Variants in POC1A observed in about 807,000 individuals in gnomAD.
POC1A encodes the protein POC1 centriolar protein A.
Under a neutral mutation model 47.8 loss-of-function variants are expected in POC1A, and 34 were observed. The ratio of observed to expected loss-of-function variants is 0.71; its 90% confidence interval spans 0.54 to 0.95. POC1A has a LOEUF of 0.95. POC1A is among the 40% of genes least tolerant of loss of function. The pLI is 0.00. For synonymous variants in POC1A, 177 were observed against 207.6 expected (o/e 0.85, Z 1.27); for missense variants, 466 against 528.3 (o/e 0.88, Z 1.16).
chr3:52,090,680 A>G lies in POC1A; in HGVS notation c.1125+5889T>C, dbSNP rs1392279549. ...TGGAGAAGTTTTCCGGCATCTGTGA[A>G]AAAGACCCCTAGATCACCTGGCATC... On this transcript the variant is annotated intron_variant, in intron 10 of 10. Coordinates refer to ENST00000296484, the MANE Select transcript of POC1A (RefSeq NM_015426.5). The surrounding 1 kb of genome is among the most constrained non-coding windows in gnomAD (Gnocchi z 4.2). 6.6e-6 allele frequency among the ~76,000 whole-genome samples: 1 copy of G among 151,824 alleles called. No homozygotes were observed. Among genetic ancestry groups the G allele is most frequent in the Non-Finnish European group, 1.5e-5 (1 of 67,944 alleles).
intron 4 of POC1A, among the ~76,000 whole-genome samples, chr3:52,147,461 T>A (rs1698405992): frequency 6.6e-6 from 1 of 152,078 alleles, no homozygotes; most frequent in African/African-American, 2.4e-5. Flanking sequence ...TTAGACAGGG[T>A]ATTGCTCTGT....
intron 10 of POC1A, among the ~76,000 whole-genome samples, chr3:52,086,134 T>C (rs1017012037): frequency 6.6e-6 from 1 of 152,062 alleles, no homozygotes; most frequent in East Asian, 1.9e-4. Context: ...GGGACTGGGG[T>C]TCTCCAGTCT....
intron 6 of POC1A, among the ~76,000 whole-genome samples, chr3:52,144,678 C>T (rs1485242835): frequency 6.6e-6 from 1 of 152,208 alleles, no homozygotes; most frequent in Non-Finnish European, 1.5e-5. Flanking sequence ...CCCAGAGGCC[C>T]CACAGAGTCA....
chr3:52,080,345 G>C (rs1702241731), intron 10 of POC1A, among the ~76,000 whole-genome samples: 2 of 152,104 alleles, frequency 1.3e-5, no homozygotes, highest in Admixed American at 1.3e-4. Context: ...CCCAAACTCA[G>C]GCAGCCTGAG....
intron 7 of POC1A, among the ~76,000 whole-genome samples, chr3:52,131,178 T>G (rs1189598435): frequency 6.6e-6 from 1 of 152,006 alleles, no homozygotes; most frequent in Non-Finnish European, 1.5e-5. Context: ...TTAAACCAAG[T>G]AAGTGTGGCT....
intron 9 of POC1A, among the ~76,000 whole-genome samples, chr3:52,112,149 T>A (rs373699959): frequency 6.6e-6 from 1 of 152,196 alleles, no homozygotes; most frequent in Non-Finnish European, 1.5e-5. Context: ...CACTGGACTT[T>A]CTTTCTTGCT....
At chr3:52,094,500 C>A (rs1702744492) in intron 10 of POC1A, among the ~76,000 whole-genome samples, 1 of 152,194 alleles carries the variant, frequency 6.6e-6, no homozygotes, top group African/African-American at 2.4e-5. Flanking sequence ...TAGAGAAAGC[C>A]CCATCTCCAG....
intron 2 of POC1A, among the ~76,000 whole-genome samples, chr3:52,150,516 A>C (rs1462680546): frequency 6.6e-6 from 1 of 152,170 alleles, no homozygotes; most frequent in Non-Finnish European, 1.5e-5. Context: ...CAGTCATAAA[A>C]GCTGTGTACG....
At chr3:52,107,606 C>T (rs1430910873) in intron 9 of POC1A, among the ~76,000 whole-genome samples, 2 of 152,230 alleles carry the variant, frequency 1.3e-5, no homozygotes, top group Non-Finnish European at 2.9e-5. Context: ...TACCCAATAC[C>T]TGGAGACAAA....
At chr3:52,138,445 G>A (rs1698061348) in intron 6 of POC1A, 143 bp from the exon 7 acceptor site, 2 of 825,772 alleles carry the variant, frequency 2.4e-6, no homozygotes, top group Non-Finnish European at 3.8e-6. Context: ...GAAGAGCTGT[G>A]GGGAACCCAA....
chr3:52,126,256 C>T (rs188537544), intron 7 of POC1A, among the ~76,000 whole-genome samples: 4 of 152,318 alleles, frequency 2.6e-5, no homozygotes, highest in East Asian at 1.9e-4. Flanking sequence ...CATTGGGAGG[C>T]GCCTTCCACT....
intron 9 of POC1A, among the ~76,000 whole-genome samples, chr3:52,121,717 G>T (rs919688697): frequency 6.6e-6 from 1 of 152,130 alleles, no homozygotes; most frequent in East Asian, 1.9e-4. Flanking sequence ...GTGGCCATAG[G>T]AGCTTAAAAC....
intron 8 of POC1A, among the ~76,000 whole-genome samples, chr3:52,124,662 G>A (rs1703928188): frequency 6.6e-6 from 1 of 152,176 alleles, no homozygotes; most frequent in Admixed American, 6.5e-5. Context: ...ACCGCACGGG[G>A]AGATCAGAGG....
rs992672674 is a variant in POC1A, at chr3:52,084,867, C to T, written c.1126-8882G>A. Among the ~76,000 whole-genome samples the T allele has an allele frequency of 6.6e-6, 1 of 152,218 alleles. No individual in the cohort carries two copies. The highest frequency in any genetic ancestry group is 1.5e-5 in the Non-Finnish European group (1 of 68,028). The stretch of plus-strand genomic sequence containing the variant: ...CATGGAGGTGGACAGGGTGGTTGGG[C>T]CAGACTGATGGGTGAAGGCGGAGCC... On this transcript the variant is annotated intron_variant, in intron 10 of 10. Transcript: ENST00000296484. This position sits in a 1 kb window ranked among gnomAD's most constrained non-coding sequence, Gnocchi z 4.3.
chr3:52,128,340 G>A (rs1399375098), intron 7 of POC1A, among the ~76,000 whole-genome samples: 2 of 152,214 alleles, frequency 1.3e-5, no homozygotes, highest in African/African-American at 2.4e-5. Context: ...CAGGGGTCAG[G>A]ACCAGAGCGC....
rs1398703482 is a variant in POC1A at position 52,084,351 on chromosome 3, C to T, written c.1126-8366G>A. Among the ~76,000 whole-genome samples, 3 of 152,178 alleles carry T rather than the reference C, an allele frequency of 2.0e-5. No individual in the cohort carries two copies. Among genetic ancestry groups the T allele is most frequent in the Admixed American group, 6.5e-5 (1 of 15,278 alleles). On this transcript the variant is annotated intron_variant, in intron 10 of 10. Coordinates refer to ENST00000296484, the MANE Select transcript of POC1A (RefSeq NM_015426.5). This position sits in a 1 kb window ranked among gnomAD's most constrained non-coding sequence, Gnocchi z 4.3. Reference sequence around the variant, plus strand: ...GGCAAACATGGCAGGGAAGCTGGAGCCGTAACTTCTCCAAAACTGAGGAGT... The same window carrying T: ...GGCAAACATGGCAGGGAAGCTGGAGTCGTAACTTCTCCAAAACTGAGGAGT...
chr3:52,113,341 G>A (rs899933128), intron 9 of POC1A, among the ~76,000 whole-genome samples: 2 of 152,188 alleles, frequency 1.3e-5, no homozygotes, highest in African/African-American at 2.4e-5. Flanking sequence ...TGGATCTTGC[G>A]AACACCACAT....
intron 7 of POC1A, among the ~76,000 whole-genome samples, chr3:52,127,565 T>C (rs1363432826): frequency 6.6e-6 from 1 of 151,176 alleles, no homozygotes; most frequent in Non-Finnish European, 1.5e-5. Flanking sequence ...TAAATTTTTT[T>C]TGTATTTTTA....
chr3:52,141,068 A>G lies in POC1A; in HGVS notation c.680-2766T>C, dbSNP rs1219785707. On this transcript the variant is annotated intron_variant, in intron 6 of 10. Coordinates refer to ENST00000296484, the MANE Select transcript of POC1A (RefSeq NM_015426.5). ...GTGGCTCTTATCCCATCTCCACTCC[A>G]AAGAGAGAACTCTGACTCCAGGTCA... Among the ~76,000 whole-genome samples the G allele has an allele frequency of 2.0e-5, 3 of 152,174 alleles. No homozygotes were observed. In the East Asian group the frequency reaches 5.8e-4, roughly 29 times the overall value.
Sources: allele counts gnomAD v4.1 joint callset (sites outside exome capture counted in the v4.1 genomes callset), GRCh38; gene constraint gnomAD v4.1.1; non-coding constraint Gnocchi (gnomAD v3.1); transcripts MANE v1.5; gene names NCBI Gene and HGNC (gene_info 2026-07-23, HGNC 2026-07-21).